The following CEP83 variants were observed in gnomAD, a reference collection of about 807,000 sequenced individuals.
The protein encoded by CEP83 is centrosomal protein 83.
In CEP83, 70 loss-of-function variants were observed where a neutral mutation model predicts 101.9. That is an observed-to-expected ratio of 0.69 (90% CI 0.57 to 0.84). The LOEUF (loss-of-function observed/expected upper bound fraction) is 0.84, where lower values mean the gene tolerates loss of function less well. Among genes scored for constraint, CEP83 ranks in the 40% least tolerant of loss-of-function variants. The pLI, the probability that CEP83 is intolerant of heterozygous loss-of-function variation, is 0.00. For synonymous variants in CEP83, 264 were observed against 267.9 expected, an observed-to-expected ratio of 0.99 and a Z score of 0.14; for missense variants, 715 against 787.2, an observed-to-expected ratio of 0.91 and a Z score of 1.10.
chr12:94,440,563 T>A (rs2066326477), intron 1 of CEP83, among the ~76,000 whole-genome samples: 1 of 149,554 alleles, frequency 6.7e-6, no homozygotes. Flanking sequence ...TGGAAATATA[T>A]CCCATGCGCA....
intron 1 of CEP83, among the ~76,000 whole-genome samples, chr12:94,457,548 T>G (rs752236398): frequency 2.0e-5 from 3 of 152,202 alleles, no homozygotes; most frequent in Non-Finnish European, 4.4e-5. Context: ...CATTCTTGAT[T>G]TGTCTCCTCC....
chr12:94,345,032 T>C lies in CEP83; in HGVS notation c.1344-9368A>G, dbSNP rs144933039. On this transcript the variant is annotated intron_variant, in intron 11 of 16. Transcript: ENST00000397809. ...ACCTGTAATTCAGTGAGGGAAAAGA[T>C]AGTCTTCAAAAAATGGTGCTGGAAC... Among the ~76,000 whole-genome samples, 21 of 152,250 alleles carry C rather than the reference T, an allele frequency of 1.4e-4. No homozygotes were observed. The East Asian group carries it at 2.3e-3, about 17-fold the overall frequency.
chr12:94,343,731 G>A (rs1380307337), intron 11 of CEP83, among the ~76,000 whole-genome samples: 2 of 150,468 alleles, frequency 1.3e-5, no homozygotes, highest in African/African-American at 2.4e-5. Context: ...CTGACCTCAT[G>A]ATCCACCCGC....
At chr12:94,367,433 G>C (rs2061076744) in intron 11 of CEP83, among the ~76,000 whole-genome samples, 1 of 152,058 alleles carries the variant, frequency 6.6e-6, no homozygotes, top group Non-Finnish European at 1.5e-5. Context: ...AAACCAAAAT[G>C]AGAGAGGATA....
chr12:94,368,212 T>C lies in CEP83; in HGVS notation c.1049-11A>G, dbSNP rs1025973539. ...TGTCTGACTGTAATCCTAGTGTTTT[T>C]CAAGGAGAAAAGTGTACTATATTCA... On this transcript the variant is annotated splice_polypyrimidine_tract_variant and intron_variant, in intron 9 of 16. Transcript: ENST00000397809. 1.2e-6 allele frequency: 2 copies of C among 1,603,986 alleles called. No homozygotes were observed. The highest frequency in any genetic ancestry group is 1.3e-5 in the African/African-American group (1 of 74,728).
At chr12:94,398,702 G>T (rs980953502) in intron 6 of CEP83, among the ~76,000 whole-genome samples, 1 of 152,208 alleles carries the variant, frequency 6.6e-6, no homozygotes, top group Non-Finnish European at 1.5e-5. Flanking sequence ...AGACAAAATA[G>T]AGCCATATTT....
intron 4 of CEP83, among the ~76,000 whole-genome samples, chr12:94,410,705 G>A (rs2063824953): frequency 6.6e-6 from 1 of 152,102 alleles, no homozygotes; most frequent in South Asian, 2.1e-4. Flanking sequence ...ACAAATTAAT[G>A]CATTGATTCT....
intron 4 of CEP83, among the ~76,000 whole-genome samples, chr12:94,409,813 G>A (rs2063769360): frequency 6.6e-6 from 1 of 151,958 alleles, no homozygotes; most frequent in African/African-American, 2.4e-5. Flanking sequence ...CCATCACATA[G>A]TGCTCCTCTC....
At chr12:94,328,211 C>T (rs1371339243) in intron 14 of CEP83, 4 of 254,056 alleles carry the variant, frequency 1.6e-5, no homozygotes, top group Non-Finnish European at 3.2e-5. Flanking sequence ...TCACTGTGTT[C>T]ACTTCAAGAG....
rs1269689327 is a variant in CEP83, at chr12:94,323,357, T to C, written c.1707+8343A>G. On this transcript the variant is annotated intron_variant, in intron 14 of 16. Transcript: ENST00000397809. Reference sequence around the variant, plus strand: ...TAACAGGCTGCAGACCCTGGTGGAGTGGGCTCACAAGGGGATCTCCTGACC... The same window carrying C: ...TAACAGGCTGCAGACCCTGGTGGAGCGGGCTCACAAGGGGATCTCCTGACC... Among the ~76,000 whole-genome samples the C allele has an allele frequency of 3.3e-5, 5 of 151,754 alleles. No homozygotes were observed. In the East Asian group the frequency reaches 9.7e-4, roughly 29 times the overall value.
intron 8 of CEP83, among the ~76,000 whole-genome samples, chr12:94,373,714 A>G (rs1449302177): frequency 2.0e-5 from 3 of 152,178 alleles, no homozygotes; most frequent in African/African-American, 7.2e-5. Flanking sequence ...CTTTTAATCC[A>G]AGACACTGAT....
intron 14 of CEP83, among the ~76,000 whole-genome samples, chr12:94,329,449 G>A (rs974068958): frequency 6.6e-6 from 1 of 152,044 alleles, no homozygotes; most frequent in Non-Finnish European, 1.5e-5. Flanking sequence ...GTTTTATAGA[G>A]ATGGGGTCTG....
intron 11 of CEP83, among the ~76,000 whole-genome samples, chr12:94,353,856 G>A (rs890043583): frequency 1.9e-5 from 2 of 104,710 alleles, no homozygotes; most frequent in Admixed American, 2.1e-4. Flanking sequence ...AAAAAGAACT[G>A]TAAAAAAAAA....
chr12:94,284,638 G>T, the CEP83 span, among the ~76,000 whole-genome samples: 15 of 152,162 alleles, frequency 9.9e-5, no homozygotes, highest in South Asian at 3.1e-3. Context: ...AGATGGGTAC[G>T]ATGAGGCTCT....
the CEP83 span, among the ~76,000 whole-genome samples, chr12:94,267,952 C>T: frequency 6.6e-6 from 1 of 152,026 alleles, no homozygotes; most frequent in East Asian, 1.9e-4. Context: ...AATTGAAAAC[C>T]AAGGTGCGGT....
At chr12:94,376,690 T>TATATACACACAC (rs1555235995) in intron 7 of CEP83, among the ~76,000 whole-genome samples, 8 of 117,386 alleles carry the variant, frequency 6.8e-5, no homozygotes, top group East Asian at 2.4e-4. Flanking sequence ...TATACATATA[T>TATATACACACAC]ACACACACAC....
the CEP83 span, among the ~76,000 whole-genome samples, chr12:94,276,041 T>C: frequency 6.6e-6 from 1 of 152,232 alleles, no homozygotes; most frequent in African/African-American, 2.4e-5. Context: ...ATTTACATTA[T>C]TTTACATCCA....
intron 2 of CEP83, chr12:94,423,992 TC>T: frequency 6.2e-7 from 1 of 1,613,078 alleles, no homozygotes; most frequent in Middle Eastern, 1.7e-4. Context: ...AATGGGATGG[TC>T]CATCCCTGGT....
intron 6 of CEP83, among the ~76,000 whole-genome samples, chr12:94,382,714 CATT>C (rs1233262774): frequency 2.6e-5 from 4 of 151,868 alleles, no homozygotes; most frequent in African/African-American, 9.7e-5. Flanking sequence ...AAAACTCACT[CATT>C]ATGATTTCAA....
Sources: gnomAD v4.1 joint callset for allele counts (sites outside exome capture counted in the v4.1 genomes callset) on GRCh38, gnomAD v4.1.1 for gene constraint, MANE v1.5 for transcripts, NCBI Gene and HGNC (gene_info 2026-07-23, HGNC 2026-07-21) for gene names.